The following TUSC3 variants were observed in gnomAD, a reference collection of about 807,000 sequenced individuals.
The protein encoded by TUSC3 is tumor suppressor candidate 3.
TUSC3 carries 45 observed loss-of-function variants against 44.8 expected under a neutral mutation model. That is an observed-to-expected ratio of 1.00 (90% confidence interval 0.79 to 1.29). The LOEUF (loss-of-function observed/expected upper bound fraction) is 1.29. Among genes scored for constraint, TUSC3 ranks in the 50% most tolerant of loss-of-function variants. The pLI is 0.00. For missense variants in TUSC3, 519 were observed against 437.9 expected (o/e 1.19, Z -1.65); for synonymous variants, 212 against 152.9 (o/e 1.39, Z -2.85).
chr8:15,752,759 A>C (rs1245323788), intron 9 of TUSC3, among the ~76,000 whole-genome samples: 1 of 152,136 alleles, frequency 6.6e-6, no homozygotes, highest in East Asian at 1.9e-4. Flanking sequence ...CCAGAATCAA[A>C]GTTGAAAATA....
intron 1 of TUSC3, among the ~76,000 whole-genome samples, chr8:15,592,245 A>G (rs527496301): frequency 1.3e-5 from 2 of 152,350 alleles, no homozygotes; most frequent in East Asian, 1.9e-4. Context: ...AAATTTTCCT[A>G]TTCATTTAAC....
At chr8:15,581,281 G>T (rs1803318380) in intron 1 of TUSC3, among the ~76,000 whole-genome samples, 1 of 145,656 alleles carries the variant, frequency 6.9e-6, no homozygotes, top group Non-Finnish European at 1.5e-5. Context: ...CCGTAGCTGA[G>T]AGTAATTTGA....
rs367995252 is a variant in TUSC3, at chr8:15,441,140, C to G, written n.91+23835C>G. ...AGTAAGTGATGGCCAGGCACAGTGG[C>G]TCACGCCTGTAATCCCAGCACTTTG... On this transcript the variant is annotated intron_variant and non_coding_transcript_variant, in intron 1 of 5. Transcript: ENST00000503191. Among the ~76,000 whole-genome samples the G allele has an allele frequency of 1.4e-3, 216 of 152,380 alleles. 1 individual carries two copies. The highest frequency in any genetic ancestry group is 2.2e-3 in the Non-Finnish European group (148 of 68,034).
At chr8:15,682,725 T>C (rs1808475275) in intron 6 of TUSC3, among the ~76,000 whole-genome samples, 1 of 152,206 alleles carries the variant, frequency 6.6e-6, no homozygotes, top group South Asian at 2.1e-4. Context: ...GATTGTGTAC[T>C]TGCTTTATAG....
At chr8:15,677,775 A>T (rs539168721) in intron 6 of TUSC3, among the ~76,000 whole-genome samples, 7 of 152,306 alleles carry the variant, frequency 4.6e-5, no homozygotes, top group African/African-American at 1.7e-4. Context: ...GGGGCAGGAA[A>T]GGTGGGGAGT....
chr8:15,509,091 G>C (rs1801098197), intron 2 of TUSC3, among the ~76,000 whole-genome samples: 1 of 152,162 alleles, frequency 6.6e-6, no homozygotes, highest in African/African-American at 2.4e-5. Context: ...AGCTGAGGGG[G>C]AGAGAGAAAA....
In TUSC3 at chr8:15,466,690, G is replaced by A. The variant is rs536677021; in HGVS notation, n.92-16696G>A. Among the ~76,000 whole-genome samples, 22 of 152,166 alleles carry A rather than the reference G, an allele frequency of 1.4e-4. 1 individual carries two copies. Among genetic ancestry groups the A allele is most frequent in the African/African-American group, 5.1e-4 (21 of 41,550 alleles). ...GTCTGAACAGTAGATTAAGGAAAAGGTTCTTTGAGATTTTCTTTAATTCCT... is the reference window on the plus strand; with the variant it reads ...GTCTGAACAGTAGATTAAGGAAAAGATTCTTTGAGATTTTCTTTAATTCCT... On this transcript the variant is annotated intron_variant and non_coding_transcript_variant, in intron 1 of 5. Transcript: ENST00000503191.
intron 2 of TUSC3, among the ~76,000 whole-genome samples, chr8:15,500,726 A>C (rs539613982): frequency 6.6e-6 from 1 of 152,322 alleles, no homozygotes. Flanking sequence ...AGAGAAAGAG[A>C]ATGTGACAGG....
At position 15,542,626 on chromosome 8, in the gene TUSC3, A is replaced by G. The variant is rs188245796; in HGVS notation, c.138+2058A>G. ...ACAGCATCTGAGTATCTCCAATAAT[A>G]AGATGACTTTAATATGTGAAAACAT... On this transcript the variant is annotated intron_variant, in intron 1 of 10. Transcript: ENST00000503731. Among the ~76,000 whole-genome samples the G allele has an allele frequency of 1.1e-3, 164 of 152,328 alleles. 1 individual carries two copies. Among genetic ancestry groups the G allele is most frequent in the Middle Eastern group, 0.01 (3 of 294 alleles).
rs11309890 is a variant in TUSC3 at position 15,521,612 on chromosome 8, A to ACC, written n.189+38136_189+38137dup. Among the ~76,000 whole-genome samples, 123 of 150,916 alleles carry ACC rather than the reference A, an allele frequency of 8.2e-4. 1 individual carries two copies. The highest frequency in any genetic ancestry group is 2.9e-3 in the African/African-American group (119 of 41,102). Reference sequence around the variant, plus strand: ...ACAGTAACACAAACGATAGGTAATTACCCCCCCCAAAAAAAGGTACGTGCA... The same window carrying ACC: ...ACAGTAACACAAACGATAGGTAATTACCCCCCCCCCAAAAAAAGGTACGTGCA... On this transcript the variant is annotated intron_variant and non_coding_transcript_variant, in intron 2 of 5. Transcript: ENST00000503191.
intron 1 of TUSC3, among the ~76,000 whole-genome samples, chr8:15,570,954 G>GTTGTTTTTTTTTTTTTT (rs1802850410): frequency 2.2e-5 from 1 of 44,494 alleles, no homozygotes; most frequent in African/African-American, 5.7e-5. Flanking sequence ...TTGCCTATTA[G>GTTGTTTTTTTTTTTTTT]TTTTTTTTTT....
rs528367075 is a variant in TUSC3, at chr8:15,676,513, T to A, written c.798+2677T>A. On this transcript the variant is annotated intron_variant, in intron 6 of 10. Coordinates refer to ENST00000503731, the MANE Select transcript of TUSC3 (RefSeq NM_006765.4). ...TGACTATTTTTTATTTTGTTTAGAT[T>A]GCTTTTGAGGTCTTATCCATAAATG... Among the ~76,000 whole-genome samples, 12 of 152,320 alleles carry A rather than the reference T, an allele frequency of 7.9e-5. No individual in the cohort carries two copies. In the South Asian group the frequency reaches 2.5e-3, roughly 32 times the overall value.
In TUSC3 at chr8:15,531,532, G is replaced by A. The variant is rs528546501; in HGVS notation, n.189+48049G>A. 1.1e-3 allele frequency among the ~76,000 whole-genome samples: 173 copies of A among 152,306 alleles called. 1 individual carries two copies. The highest frequency in any genetic ancestry group is 3.4e-3 in the Middle Eastern group (1 of 294). ...CTCCCAAAGTGCTGGGATTACAGGC[G>A]TGAGCCTCTGTGCCCAGCCTAAAGC... On this transcript the variant is annotated intron_variant and non_coding_transcript_variant, in intron 2 of 5. Transcript: ENST00000503191.
chr8:15,625,750 G>A (rs1175942554), intron 2 of TUSC3, among the ~76,000 whole-genome samples: 1 of 152,208 alleles, frequency 6.6e-6, no homozygotes, highest in African/African-American at 2.4e-5. Context: ...GGGAATGAGA[G>A]TGTTCTAAAA....
intron 2 of TUSC3, among the ~76,000 whole-genome samples, chr8:15,532,989 T>G (rs1219935214): frequency 6.6e-6 from 1 of 152,118 alleles, no homozygotes; most frequent in Non-Finnish European, 1.5e-5. Context: ...GACAAGGTTT[T>G]GCCATGCTGC....
At chr8:15,682,012 C>T (rs1473308532) in intron 6 of TUSC3, among the ~76,000 whole-genome samples, 1 of 152,034 alleles carries the variant, frequency 6.6e-6, no homozygotes, top group African/African-American at 2.4e-5. Flanking sequence ...TTTTATTCCA[C>T]TGTGATCTGA....
chr8:15,813,919 C>A, the TUSC3 span, among the ~76,000 whole-genome samples: 2 of 152,120 alleles, frequency 1.3e-5, no homozygotes, highest in South Asian at 4.1e-4. Flanking sequence ...TCCACCGTTA[C>A]TAAGTTTGCG....
At chr8:15,744,334 TGAG>T (rs1811315810) in intron 8 of TUSC3, among the ~76,000 whole-genome samples, 2 of 152,144 alleles carry the variant, frequency 1.3e-5, no homozygotes, top group Admixed American at 1.3e-4. Context: ...AAATGTGCTC[TGAG>T]GAGCAAAGGA....
intron 2 of TUSC3, among the ~76,000 whole-genome samples, chr8:15,488,412 G>A (rs1243592184): frequency 2.0e-5 from 3 of 152,026 alleles, no homozygotes; most frequent in African/African-American, 4.8e-5. Context: ...TGAGGCTGGA[G>A]GATTGCTTGA....
Sources: gnomAD v4.1 joint callset for allele counts (sites outside exome capture counted in the v4.1 genomes callset) on GRCh38, gnomAD v4.1.1 for gene constraint, MANE v1.5 for transcripts, NCBI Gene and HGNC (gene_info 2026-07-23, HGNC 2026-07-21) for gene names.